The following HCRTR2 variants were observed in gnomAD, a reference collection of about 807,000 sequenced individuals.
HCRTR2 encodes the protein hypocretin receptor 2, also known as orexin receptor type 2.
Under a neutral mutation model 49.0 loss-of-function variants are expected in HCRTR2, and 22 were observed. The ratio of observed to expected loss-of-function variants is 0.45; its 90% CI spans 0.32 to 0.64. The LOEUF is 0.64. Ranked by LOEUF, HCRTR2 falls within the 30% of genes least tolerant of loss-of-function variation. The pLI is 0.04. For missense variants in HCRTR2, 491 were observed against 559.4 expected (o/e 0.88, Z 1.23); for synonymous variants, 236 against 205.3 (o/e 1.15, Z -1.28).
intron 1 of HCRTR2, among the ~76,000 whole-genome samples, chr6:55,168,938 G>A (rs374552333): frequency 4.1e-4 from 62 of 152,040 alleles, no homozygotes; most frequent in Non-Finnish European, 6.5e-4. Flanking sequence ...ACTTACTTCC[G>A]TCTGGCACCA....
intron 1 of HCRTR2, among the ~76,000 whole-genome samples, chr6:55,133,658 CTATCATCT>C (rs778794333): frequency 3.8e-4 from 51 of 134,348 alleles, no homozygotes; most frequent in Non-Finnish European, 5.0e-4. Flanking sequence ...ATCTATCTAT[CTATCATCT>C]ATCTATCTAT....
chr6:55,241,669 T>C (rs1000308827), intron 1 of HCRTR2, among the ~76,000 whole-genome samples: 1 of 152,010 alleles, frequency 6.6e-6, no homozygotes, highest in Admixed American at 6.6e-5. Flanking sequence ...TAACATTGCA[T>C]TGATATATTG....
At chr6:55,158,080 G>A (rs1764754533) in intron 1 of HCRTR2, among the ~76,000 whole-genome samples, 1 of 152,140 alleles carries the variant, frequency 6.6e-6, no homozygotes, top group Middle Eastern at 3.2e-3. Flanking sequence ...AGAAGGTGGT[G>A]GTTTCTGCAT....
At chr6:55,143,942 A>C (rs944689736) in intron 1 of HCRTR2, among the ~76,000 whole-genome samples, 9 of 152,140 alleles carry the variant, frequency 5.9e-5, no homozygotes, top group Admixed American at 1.3e-4. Context: ...TATTAGTTTT[A>C]TATAATTCTC....
upstream of HCRTR2, among the ~76,000 whole-genome samples, chr6:55,172,567 T>G (rs889929261): frequency 8.5e-5 from 13 of 152,180 alleles, no homozygotes; most frequent in African/African-American, 2.9e-4. Flanking sequence ...ACAACAATAT[T>G]TCTCATAAAA....
At chr6:55,138,468 A>T (rs1390379635) in intron 1 of HCRTR2, among the ~76,000 whole-genome samples, 1 of 152,244 alleles carries the variant, frequency 6.6e-6, no homozygotes, top group Non-Finnish European at 1.5e-5. Flanking sequence ...CTACTGCTTA[A>T]AACATGTGGC....
At chr6:55,138,512 C>A (rs1263028104) in intron 1 of HCRTR2, among the ~76,000 whole-genome samples, 1 of 152,304 alleles carries the variant, frequency 6.6e-6, no homozygotes, top group East Asian at 1.9e-4. Flanking sequence ...ATGCTGCTTG[C>A]CACGGTAGTC....
intron 1 of HCRTR2, among the ~76,000 whole-genome samples, chr6:55,161,667 C>T (rs1188775272): frequency 6.6e-6 from 1 of 152,076 alleles, no homozygotes; most frequent in East Asian, 1.9e-4. Flanking sequence ...ACTGATCCCA[C>T]AGAAATACAA....
intron 1 of HCRTR2, among the ~76,000 whole-genome samples, chr6:55,180,150 C>A (rs1765106333): frequency 6.6e-6 from 1 of 152,126 alleles, no homozygotes; most frequent in Non-Finnish European, 1.5e-5. Flanking sequence ...TGCCTTACAA[C>A]AAACTTATAA....
chr6:55,248,017 T>C (rs3122167), intron 1 of HCRTR2, among the ~76,000 whole-genome samples: 54,848 of 151,936 alleles, frequency 0.36, 10,358 homozygotes, highest in African/African-American at 0.47. Flanking sequence ...AGACAAGTTT[T>C]GTGAGTTAAT....
At chr6:55,212,474 A>T (rs1765713757) in intron 1 of HCRTR2, among the ~76,000 whole-genome samples, 1 of 152,190 alleles carries the variant, frequency 6.6e-6, no homozygotes, top group African/African-American at 2.4e-5. Context: ...TTTAGCCAAT[A>T]ACGTGAATTC....
chr6:55,266,734 T>C (rs1028031376), intron 4 of HCRTR2, among the ~76,000 whole-genome samples: 2 of 152,150 alleles, frequency 1.3e-5, no homozygotes, highest in African/African-American at 4.8e-5. Context: ...GGTAAAACTT[T>C]ACCATGATAC....
chr6:55,231,590 T>C (rs957601975), intron 1 of HCRTR2, among the ~76,000 whole-genome samples: 21 of 152,212 alleles, frequency 1.4e-4, no homozygotes, highest in Non-Finnish European at 2.6e-4. Context: ...AGAAGAGAAA[T>C]GTATCATCTT....
chr6:55,240,320 T>G (rs1159625752), intron 1 of HCRTR2, among the ~76,000 whole-genome samples: 1 of 123,180 alleles, frequency 8.1e-6, no homozygotes, highest in East Asian at 2.6e-4. Flanking sequence ...ATAGTGCCAC[T>G]GCAGTTCGGC....
At chr6:55,263,439 G>A (rs1450152747) in intron 3 of HCRTR2, among the ~76,000 whole-genome samples, 8 of 151,868 alleles carry the variant, frequency 5.3e-5, no homozygotes, top group Non-Finnish European at 5.9e-5. Flanking sequence ...CTTGACTTTG[G>A]GTAGCACAAA....
chr6:55,129,835 G>T (rs1229360779), intron 1 of HCRTR2, among the ~76,000 whole-genome samples: 1 of 151,930 alleles, frequency 6.6e-6, no homozygotes, highest in Non-Finnish European at 1.5e-5. Flanking sequence ...TTTCCTGCAA[G>T]ATGACATTCA....
chr6:55,169,173 G>T (rs893616823), intron 1 of HCRTR2, among the ~76,000 whole-genome samples: 2 of 151,784 alleles, frequency 1.3e-5, no homozygotes, highest in Admixed American at 6.6e-5. Context: ...GAATAAGACA[G>T]GAAGAGTGTT....
chr6:55,281,685 AT>A (rs11351041), intron 6 of HCRTR2, among the ~76,000 whole-genome samples: 3,899 of 152,160 alleles, frequency 0.026, 191 homozygotes, highest in African/African-American at 0.087. Context: ...CTTCTACAGT[AT>A]TTTTCCCCCT....
At chr6:55,264,047 T>C in intron 4 of HCRTR2, 1 of 480,134 alleles carries the variant, frequency 2.1e-6, no homozygotes, top group Non-Finnish European at 3.7e-6. Context: ...ATTTTTAGAG[T>C]AATATTCAGG....
Sources: allele counts gnomAD v4.1 joint callset (sites outside exome capture counted in the v4.1 genomes callset), GRCh38; gene constraint gnomAD v4.1.1; transcripts MANE v1.5; gene names NCBI Gene and HGNC (gene_info 2026-07-23, HGNC 2026-07-21).